Variants in TWIST2 observed in about 807,000 individuals in gnomAD.
TWIST2 encodes the protein twist family bHLH transcription factor 2, also known as twist-related protein 2.
A neutral mutation model predicts 11.6 loss-of-function variants in TWIST2; 1 was observed. That is an observed-to-expected ratio of 0.09 (90% CI 0.03 to 0.41). TWIST2 has a LOEUF of 0.41. Ranked by LOEUF, TWIST2 falls within the 10% of genes least tolerant of loss-of-function variation. TWIST2 has a pLI of 0.98. For synonymous variants in TWIST2, 87 were observed against 96.6 expected (o/e 0.90, Z 0.58); for missense variants, 168 against 226.4 (o/e 0.74, Z 1.66).
In TWIST2 at chr2:238,880,782, T is replaced by C. The variant is rs537624238; in HGVS notation, c.*36-29060T>C. 1.7e-3 allele frequency among the ~76,000 whole-genome samples: 208 copies of C among 124,392 alleles called. 35 individuals carry two copies. Among genetic ancestry groups the C allele is most frequent in the African/African-American group, 5.5e-3 (184 of 33,438 alleles). The allele number at this position is 124,392 out of a possible 152,430, so 81.6% of individuals were successfully genotyped here. A position where few individuals can be genotyped will look rare whatever the true frequency, so the allele number is the denominator to read the frequency against. On this transcript the variant is annotated intron_variant, in intron 1 of 1. Coordinates refer to ENST00000612363, the MANE Select transcript of TWIST2 (RefSeq NM_001271893.4). ...ATATTAGCATTAGTGTCAGTGTTAG[T>C]ATTAGTGTTAGTGTTAGTATTTATT...
intron 1 of TWIST2, among the ~76,000 whole-genome samples, chr2:238,902,578 GTT>G (rs1693282612): frequency 1.3e-5 from 2 of 148,520 alleles, no homozygotes; most frequent in African/African-American, 2.5e-5. Flanking sequence ...TGTAATGTGA[GTT>G]GTGTGTGTTG....
At position 238,867,497 on chromosome 2, in the gene TWIST2, T is replaced by C. The variant is rs1487880160; in HGVS notation, c.*35+18764T>C. 6.6e-6 allele frequency among the ~76,000 whole-genome samples: 1 copy of C among 151,610 alleles called. No homozygotes were observed. Among genetic ancestry groups the C allele is most frequent in the African/African-American group, 2.4e-5 (1 of 41,198 alleles). ...ACAATAAAGAGAAGTCCCAGCCAGC[T>C]CCCGGGGTGGTGTGGGCTGAGGAAG... is the stretch of plus-strand genomic sequence containing the variant. On this transcript the variant is annotated intron_variant, in intron 1 of 1. Transcript: ENST00000612363. The surrounding 1 kb of genome is among the most constrained non-coding windows in gnomAD (Gnocchi z 4.8).
At chr2:238,901,371 T>C (rs909620744) in intron 1 of TWIST2, among the ~76,000 whole-genome samples, 25 of 152,208 alleles carry the variant, frequency 1.6e-4, no homozygotes, top group Admixed American at 4.6e-4. Flanking sequence ...AACTTCTCCT[T>C]CTATTTGTTT....
chr2:238,865,688 A>G (rs1166448637), intron 1 of TWIST2, among the ~76,000 whole-genome samples: 1 of 120,824 alleles, frequency 8.3e-6, no homozygotes, highest in Non-Finnish European at 1.6e-5. Context: ...GGTCTTTTGG[A>G]ACTTTTTTTT....
At chr2:238,880,775 G>GTGTT (rs1237446475) in intron 1 of TWIST2, among the ~76,000 whole-genome samples, 8 of 118,924 alleles carry the variant, frequency 6.7e-5, no homozygotes, top group African/African-American at 2.7e-4. Flanking sequence ...ATTAGTGTCA[G>GTGTT]TGTTAGTATT....
intron 1 of TWIST2, among the ~76,000 whole-genome samples, chr2:238,881,460 TGTGA>T (rs770841594): frequency 4.8e-4 from 73 of 151,852 alleles, no homozygotes; most frequent in African/African-American, 1.3e-3. Flanking sequence ...TTAGTGTTAG[TGTGA>T]GTATTAGTGT....
intron 1 of TWIST2, among the ~76,000 whole-genome samples, chr2:238,893,028 C>G (rs1342785611): frequency 6.6e-6 from 1 of 152,158 alleles, no homozygotes; most frequent in African/African-American, 2.4e-5. Context: ...GTTAACCACG[C>G]CCCCAACTGC....
intron 1 of TWIST2, among the ~76,000 whole-genome samples, chr2:238,860,674 A>G (rs1692415399): frequency 6.6e-6 from 1 of 152,124 alleles, no homozygotes. Context: ...GCAGTGGCTC[A>G]CGCCTGTAAT....
At chr2:238,868,753 T>C (rs1315792199) in intron 1 of TWIST2, among the ~76,000 whole-genome samples, 3 of 152,226 alleles carry the variant, frequency 2.0e-5, no homozygotes, top group Admixed American at 1.3e-4. Flanking sequence ...CTGGGCTCAG[T>C]GTGGTGCCAG....
rs181588909 is a variant in TWIST2 at position 238,878,807 on chromosome 2, G to A, written c.*35+30074G>A. Among the ~76,000 whole-genome samples, 345 of 152,268 alleles carry A rather than the reference G, an allele frequency of 2.3e-3. 5 individuals carry two copies. Among genetic ancestry groups the A allele is most frequent in the African/African-American group, 7.9e-3 (329 of 41,538 alleles). ...GAGAGGAGGCTGTCCCAGCAGTGGG[G>A]GGTCCGTGCTTTCAGCTGGAAACTC... On this transcript the variant is annotated intron_variant, in intron 1 of 1. Transcript: ENST00000612363.
intron 1 of TWIST2, among the ~76,000 whole-genome samples, chr2:238,906,431 G>C (rs1431429048): frequency 1.3e-5 from 2 of 149,572 alleles, no homozygotes; most frequent in Admixed American, 6.7e-5. Context: ...CACTCACACG[G>C]ATGCGCACAC....
At chr2:238,882,974 T>C (rs1233584221) in intron 1 of TWIST2, among the ~76,000 whole-genome samples, 1 of 152,152 alleles carries the variant, frequency 6.6e-6, no homozygotes, top group African/African-American at 2.4e-5. Flanking sequence ...TCTGAGCCCT[T>C]CCTGATTTGA....
chr2:238,869,280 A>G (rs1692603273), intron 1 of TWIST2, among the ~76,000 whole-genome samples: 1 of 152,244 alleles, frequency 6.6e-6, no homozygotes, highest in Non-Finnish European at 1.5e-5. Context: ...GGAATTTCAT[A>G]CTTTCAAAAG....
At chr2:238,879,998 G>C (rs1250595715) in intron 1 of TWIST2, among the ~76,000 whole-genome samples, 1 of 152,206 alleles carries the variant, frequency 6.6e-6, no homozygotes. Context: ...AGGCAGAGAG[G>C]GACCTTCACG....
chr2:238,903,382 C>T (rs1327689864), intron 1 of TWIST2, among the ~76,000 whole-genome samples: 11 of 108,392 alleles, frequency 1.0e-4, no homozygotes, highest in East Asian at 9.4e-4. Context: ...TTAGTGTGTG[C>T]GTGATGTGAG....
At chr2:238,899,966 GA>G (rs1296039974) in intron 1 of TWIST2, among the ~76,000 whole-genome samples, 4 of 151,970 alleles carry the variant, frequency 2.6e-5, no homozygotes, top group South Asian at 4.2e-4. Context: ...TCTTTACAAA[GA>G]AAGAAAGAAA....
Position 238,863,394 on chromosome 2 carries a change from G to A in TWIST2, c.*35+14661G>A, listed in dbSNP as rs1396514021. Among the ~76,000 whole-genome samples the A allele has an allele frequency of 6.6e-6, 1 of 152,186 alleles. No individual in the cohort carries two copies. The highest frequency in any genetic ancestry group is 1.5e-5 in the Non-Finnish European group (1 of 68,050). On this transcript the variant is annotated intron_variant, in intron 1 of 1. Coordinates refer to ENST00000612363, the MANE Select transcript of TWIST2 (RefSeq NM_001271893.4). This position sits in a 1 kb window ranked among gnomAD's most constrained non-coding sequence, Gnocchi z 4.7. ...TTTTCAGAAGAGGCCTTTCGTGTTA[G>A]GATAATTCAGAAGGATGCACCCGGA... is the stretch of plus-strand genomic sequence containing the variant.
chr2:238,892,202 T>C (rs1693147669), intron 1 of TWIST2, among the ~76,000 whole-genome samples: 1 of 151,902 alleles, frequency 6.6e-6, no homozygotes, highest in Non-Finnish European at 1.5e-5. Context: ...AGACTCCGGC[T>C]CACCTCACGG....
intron 1 of TWIST2, among the ~76,000 whole-genome samples, chr2:238,890,994 C>T (rs759045302): frequency 4.6e-5 from 7 of 152,182 alleles, no homozygotes; most frequent in Non-Finnish European, 8.8e-5. Flanking sequence ...GATAAGAATC[C>T]GTGCACTTTC....
Sources: gnomAD v4.1 joint callset for allele counts (sites outside exome capture counted in the v4.1 genomes callset) on GRCh38, gnomAD v4.1.1 for gene constraint, Gnocchi (gnomAD v3.1) non-coding constraint, MANE v1.5 for transcripts, NCBI Gene and HGNC (gene_info 2026-07-23, HGNC 2026-07-21) for gene names.